PDE12: variants seen among roughly 807,000 people sequenced by gnomAD.
PDE12 encodes 2',5'-phosphodiesterase 12.
Under a neutral mutation model 45.4 loss-of-function variants are expected in PDE12, and 26 were observed. The observed-to-expected ratio is 0.57, with a 90% CI of 0.42 to 0.79. The LOEUF (loss-of-function observed/expected upper bound fraction) is 0.79, where lower values mean the gene tolerates loss of function less well. Ranked by LOEUF, PDE12 falls within the 30% of genes least tolerant of loss-of-function variation. The pLI is 0.00. For missense variants in PDE12, 668 were observed against 790.0 expected, an observed-to-expected ratio of 0.85 and a Z score of 1.85; for synonymous variants, 283 against 323.9, an observed-to-expected ratio of 0.87 and a Z score of 1.36.
At chr3:57,627,001 TA>T in the PDE12 span, 1 of 152,100 alleles carries the variant, frequency 6.6e-6, no homozygotes, top group Non-Finnish European at 1.5e-5. Context: ...AAGTATCACA[TA>T]AAAAACTCAT....
chr3:57,559,366 C>T lies in PDE12; in HGVS notation c.1365C>T (p.Thr455=). Residue 455 remains threonine, a synonymous_variant, in exon 2 of 3, where the codon ACC becomes ACT. Transcript: ENST00000311180. The part of the protein sequence containing the change: ...DSSKRICVAN[T]HLYWHPKGGY... ...CTAAAAGGATATGTGTTGCTAATAC[C>T]CATCTTTACTGGCATCCTAAAGGTA... is the stretch of plus-strand genomic sequence containing the variant. 6.2e-7 allele frequency: 1 copy of T among 1,611,730 alleles called. No homozygotes were observed. The highest frequency in any genetic ancestry group is 8.5e-7 in the Non-Finnish European group (1 of 1,177,968).
the PDE12 span, chr3:57,641,848 G>T: frequency 2.1e-6 from 2 of 942,550 alleles, no homozygotes. Context: ...ACAATACACA[G>T]ATTGATTTTT....
chr3:57,575,516 C>A, the PDE12 span: 1 of 1,588,050 alleles, frequency 6.3e-7, no homozygotes, highest in South Asian at 1.2e-5. Flanking sequence ...TCTTAATAGT[C>A]AAGAGGTTAA....
Position 57,556,608 on chromosome 3 carries a change from C to T in PDE12, c.229C>T (p.Arg77Cys), listed in dbSNP as rs1330410510. Reference protein sequence around the residue: ...QSEPLGRVLSRIATNALKGHA... With the variant: ...QSEPLGRVLSCIATNALKGHA... ...CGAGCCGCTGGGTCGAGTCCTCAGCCGCATCGCTACCAATGCCCTAAAGGG... is the reference window on the plus strand; with the variant it reads ...CGAGCCGCTGGGTCGAGTCCTCAGCTGCATCGCTACCAATGCCCTAAAGGG... Residue 77 changes from arginine to cysteine, a missense_variant, in exon 1 of 3, where the codon CGC becomes TGC. This residue lies in a region of PDE12 where 580 missense variants were observed against 662.9 expected (regional missense o/e 0.87). Transcript: ENST00000311180. This position sits in a 1 kb window ranked among gnomAD's most constrained non-coding sequence, Gnocchi z 5.0. 1.9e-6 allele frequency: 3 copies of T among 1,611,976 alleles called. No individual in the cohort carries two copies. In the South Asian group the frequency reaches 3.3e-5, roughly 18 times the overall value.
At chr3:57,644,115 A>C in the PDE12 span, among the ~76,000 whole-genome samples, 1 of 145,724 alleles carries the variant, frequency 6.9e-6, no homozygotes, top group African/African-American at 2.6e-5. Context: ...GCGCCATTGC[A>C]CTCCCTCCTG....
chr3:57,610,661 A>G, the PDE12 span, among the ~76,000 whole-genome samples: 1 of 152,192 alleles, frequency 6.6e-6, no homozygotes, highest in Non-Finnish European at 1.5e-5. Context: ...TAAAATACCT[A>G]GGAATCCAAC....
chr3:57,610,614 A>G, the PDE12 span, among the ~76,000 whole-genome samples: 9 of 152,308 alleles, frequency 5.9e-5, no homozygotes, highest in South Asian at 1.5e-3. Flanking sequence ...GAGCCAAATC[A>G]TGAGTGAACT....
the PDE12 span, among the ~76,000 whole-genome samples, chr3:57,622,166 ACT>A: frequency 8.5e-5 from 13 of 152,252 alleles, no homozygotes; most frequent in Middle Eastern, 3.4e-3. Context: ...ACAGAGTGAG[ACT>A]CTGTCTCAAA....
chr3:57,650,050 A>T, the PDE12 span, among the ~76,000 whole-genome samples: 1 of 152,140 alleles, frequency 6.6e-6, no homozygotes, highest in East Asian at 1.9e-4. Context: ...GGAAAACCAA[A>T]CATCATATGT....
At chr3:57,575,440 T>C in the PDE12 span, 1 of 1,120,218 alleles carries the variant, frequency 8.9e-7, no homozygotes, top group South Asian at 2.4e-5. Flanking sequence ...GATGTGCTCA[T>C]TATTTGTCCA....
downstream of PDE12, chr3:57,566,957 G>A (rs111590028): frequency 0.01 from 1,575 of 152,150 alleles, 18 homozygotes; most frequent in African/African-American, 0.036. Context: ...CCAAAATCTG[G>A]TGAGTTCCCA....
the PDE12 span, among the ~76,000 whole-genome samples, chr3:57,573,767 A>T: frequency 1.3e-5 from 2 of 152,048 alleles, no homozygotes; most frequent in Non-Finnish European, 2.9e-5. Context: ...ATTTTAGTAG[A>T]GACAGAGTTT....
At chr3:57,587,939 T>C in the PDE12 span, among the ~76,000 whole-genome samples, 2 of 152,236 alleles carry the variant, frequency 1.3e-5, no homozygotes, top group South Asian at 4.1e-4. Flanking sequence ...TTATAAGCTT[T>C]AATGCACGAA....
the PDE12 span, among the ~76,000 whole-genome samples, chr3:57,603,025 G>C: frequency 6.6e-6 from 1 of 151,786 alleles, no homozygotes; most frequent in African/African-American, 2.4e-5. Flanking sequence ...AAATTAGCCA[G>C]GCATGGTGGC....
At chr3:57,607,997 G>T in the PDE12 span, among the ~76,000 whole-genome samples, 2 of 152,116 alleles carry the variant, frequency 1.3e-5, no homozygotes, top group Non-Finnish European at 2.9e-5. Context: ...GAAAGGTCGG[G>T]TTACTCACAA....
chr3:57,634,832 C>T, the PDE12 span: 1 of 1,315,274 alleles, frequency 7.6e-7, no homozygotes, highest in Non-Finnish European at 1.0e-6. Flanking sequence ...AAAATTGGAA[C>T]TTTATAAGAT....
Position 57,563,502 on chromosome 3 carries a change from G to C in PDE12, c.*3498G>C, listed in dbSNP as rs2069749467. On this transcript the variant is annotated 3_prime_UTR_variant, in exon 3 of 3. Coordinates refer to ENST00000311180, the MANE Select transcript of PDE12 (RefSeq NM_177966.7). Reference sequence around the variant, plus strand: ...TTCTCCTAATGCTATCCCTCCCCCAGCCCTGAAAATGAATTTTTTAAACAC... The same window carrying C: ...TTCTCCTAATGCTATCCCTCCCCCACCCCTGAAAATGAATTTTTTAAACAC... 6.6e-6 allele frequency: 1 copy of C among 151,940 alleles called. No homozygotes were observed. Among genetic ancestry groups the C allele is most frequent in the Non-Finnish European group, 1.5e-5 (1 of 68,004 alleles). 9.4% of individuals were successfully genotyped at this position (151,940 alleles called of 1,614,324 possible).
At chr3:57,644,314 A>T in the PDE12 span, among the ~76,000 whole-genome samples, 15 of 151,642 alleles carry the variant, frequency 9.9e-5, no homozygotes, top group Admixed American at 8.6e-4. Flanking sequence ...TTACAAAAAA[A>T]TTTTTTTTGA....
the PDE12 span, among the ~76,000 whole-genome samples, chr3:57,613,691 G>GAA: frequency 4.0e-4 from 60 of 151,868 alleles, no homozygotes; most frequent in Admixed American, 3.3e-3. Context: ...ACGAGGTCAG[G>GAA]AGATTGAGAC....
Sources: allele counts gnomAD v4.1 joint callset (sites outside exome capture counted in the v4.1 genomes callset), GRCh38; gene constraint gnomAD v4.1.1; regional missense constraint gnomAD v4.1.1; non-coding constraint Gnocchi (gnomAD v3.1); transcripts MANE v1.5; gene names NCBI Gene and HGNC (gene_info 2026-07-23, HGNC 2026-07-21).